Variants in MBOAT2 observed in about 807,000 individuals in gnomAD.
MBOAT2 encodes membrane-bound glycerophospholipid O-acyltransferase 2.
Under a neutral mutation model 63.4 loss-of-function variants are expected in MBOAT2, and 28 were observed. That is an observed-to-expected ratio of 0.44 (90% CI 0.33 to 0.61). The LOEUF is 0.61. Among genes scored for constraint, MBOAT2 ranks in the 20% least tolerant of loss-of-function variants. MBOAT2 has a pLI of 0.03. For synonymous variants in MBOAT2, 211 were observed against 215.6 expected, an observed-to-expected ratio of 0.98 and a Z score of 0.19; for missense variants, 470 against 605.8, an observed-to-expected ratio of 0.78 and a Z score of 2.35.
intron 3 of MBOAT2, among the ~76,000 whole-genome samples, chr2:8,927,815 T>G (rs1667038859): frequency 1.3e-5 from 2 of 152,146 alleles, no homozygotes; most frequent in Admixed American, 1.3e-4. Flanking sequence ...GGTGGTCCTG[T>G]GGGAGTGAGA....
intron 4 of MBOAT2, among the ~76,000 whole-genome samples, chr2:8,891,302 G>A (rs1663978350): frequency 6.6e-6 from 1 of 152,252 alleles, no homozygotes; most frequent in South Asian, 2.1e-4. Context: ...TATAGGAAAA[G>A]TTCAGTAAGG....
chr2:8,874,945 AAC>A (rs1312555369), intron 7 of MBOAT2, among the ~76,000 whole-genome samples: 1 of 152,206 alleles, frequency 6.6e-6, no homozygotes, highest in Non-Finnish European at 1.5e-5. Context: ...TTGGATCTCT[AAC>A]ACTTTGGGGC....
chr2:8,990,106 G>A (rs994917671), intron 1 of MBOAT2, among the ~76,000 whole-genome samples: 7 of 152,062 alleles, frequency 4.6e-5, no homozygotes, highest in African/African-American at 1.7e-4. Flanking sequence ...CTGCCAACTC[G>A]ACCCTCTGCT....
chr2:8,951,619 G>C (rs1668841944), intron 2 of MBOAT2, among the ~76,000 whole-genome samples: 3 of 152,154 alleles, frequency 2.0e-5, no homozygotes, highest in Admixed American at 2.0e-4. Flanking sequence ...CTCAATATTG[G>C]TCTGTTTGGT....
chr2:8,986,672 C>A (rs950148924), intron 1 of MBOAT2, among the ~76,000 whole-genome samples: 2 of 152,152 alleles, frequency 1.3e-5, no homozygotes, highest in African/African-American at 4.8e-5. Context: ...GAAGCCCTTA[C>A]CCCAATGTGA....
Position 9,003,477 on chromosome 2 carries a change from T to A in MBOAT2, c.75+63A>T. ...CCCTCCTCCCGGGCCCCCGGTCGGG[T>A]GGCACCGCGGCGGGGAGGGGCGGCG... On this transcript the variant is annotated intron_variant, in intron 1 of 12. Transcript: ENST00000305997. This position sits in a 1 kb window ranked among gnomAD's most constrained non-coding sequence, Gnocchi z 5.4. 1 of 1,083,604 alleles carries A rather than the reference T, an allele frequency of 9.2e-7. No homozygotes were observed. The highest frequency in any genetic ancestry group is 1.1e-6 in the Non-Finnish European group (1 of 875,088). 67.1% of individuals were successfully genotyped at this position (1,083,604 alleles called of 1,614,324 possible).
intron 4 of MBOAT2, among the ~76,000 whole-genome samples, chr2:8,888,598 AT>A (rs768484415): frequency 6.6e-6 from 1 of 152,240 alleles, no homozygotes; most frequent in Admixed American, 6.5e-5. Context: ...TAAGAAAAAA[AT>A]GGCATTATTT....
intron 1 of MBOAT2, among the ~76,000 whole-genome samples, chr2:8,968,926 G>A (rs193240446): frequency 6.6e-6 from 1 of 152,294 alleles, no homozygotes; most frequent in Admixed American, 6.5e-5. Flanking sequence ...AAGTGACGGG[G>A]AGAATGGAAC....
chr2:8,911,697 C>T (rs982146684), intron 3 of MBOAT2, among the ~76,000 whole-genome samples: 1 of 152,156 alleles, frequency 6.6e-6, no homozygotes, highest in Non-Finnish European at 1.5e-5. Context: ...CTTTCCTCCT[C>T]TCTGGCCACG....
intron 4 of MBOAT2, among the ~76,000 whole-genome samples, chr2:8,905,244 C>T (rs1470039554): frequency 1.3e-5 from 2 of 152,086 alleles, no homozygotes; most frequent in Non-Finnish European, 2.9e-5. Context: ...ATCTTTTCTG[C>T]TCATGTATTA....
At chr2:8,941,714 T>A (rs1365046545) in intron 3 of MBOAT2, among the ~76,000 whole-genome samples, 2 of 152,084 alleles carry the variant, frequency 1.3e-5, no homozygotes, top group Non-Finnish European at 2.9e-5. Context: ...AAGTTTTAAT[T>A]AATTTAAACT....
intron 1 of MBOAT2, among the ~76,000 whole-genome samples, chr2:8,973,311 C>A (rs13001723): frequency 1.5e-5 from 2 of 137,310 alleles, no homozygotes; most frequent in Non-Finnish European, 3.0e-5. Context: ...TTGGTGGGAA[C>A]TGAACAATGA....
rs1344056102 is a variant in MBOAT2 at position 8,857,120 on chromosome 2, A to T, written c.*1559T>A. 1 of 152,610 alleles carries T rather than the reference A, an allele frequency of 6.6e-6. No individual in the cohort carries two copies. The highest frequency in any genetic ancestry group is 1.9e-4 in the East Asian group (1 of 5,202). The allele number at this position is 152,610 out of a possible 1,614,324, so 9.5% of individuals were successfully genotyped here. ...TGCCTTGTCTTTAACTTCATTTGCA[A>T]ATTTATTAGTGACTCCACCCCCCGA... is the stretch of plus-strand genomic sequence containing the variant. On this transcript the variant is annotated 3_prime_UTR_variant, in exon 13 of 13. Transcript: ENST00000305997.
intron 1 of MBOAT2, among the ~76,000 whole-genome samples, chr2:8,995,814 A>G (rs990462960): frequency 4.6e-4 from 70 of 152,186 alleles, no homozygotes; most frequent in Non-Finnish European, 9.6e-4. Context: ...AATGGTCTCG[A>G]TCTCCTGACC....
Position 8,860,750 on chromosome 2 carries a change from A to G in MBOAT2, c.1200T>C (p.Phe400=), listed in dbSNP as rs1212567261. 10 of 1,578,202 alleles carry G rather than the reference A, an allele frequency of 6.3e-6. No homozygotes were observed. The highest frequency in any genetic ancestry group is 1.1e-5 in the South Asian group (1 of 87,184). ...TLAARAMRNN[F]RHYFIEPSQL... ...GGGAAGGTTCAATGAAATAATGTCT[A>G]AAGTTATTTCTCATCTGAAATAAAG... The change falls in exon 12 of 13, where the codon TTT becomes TTC. Residue 400 remains phenylalanine (F), a synonymous_variant. Transcript: ENST00000305997.
chr2:8,889,239 T>C (rs1177692220), intron 4 of MBOAT2, among the ~76,000 whole-genome samples: 2 of 152,236 alleles, frequency 1.3e-5, no homozygotes, highest in African/African-American at 4.8e-5. Flanking sequence ...CTCGAACTGC[T>C]GCCTCTCGCA....
intron 5 of MBOAT2, among the ~76,000 whole-genome samples, chr2:8,883,037 C>T (rs769118624): frequency 9.9e-5 from 15 of 152,044 alleles, no homozygotes; most frequent in Non-Finnish European, 1.5e-4. Context: ...CATCTATTTA[C>T]GTTTCTCTTC....
intron 1 of MBOAT2, among the ~76,000 whole-genome samples, chr2:8,989,964 AC>A (rs1444795093): frequency 6.6e-6 from 1 of 152,198 alleles, no homozygotes; most frequent in African/African-American, 2.4e-5. Context: ...ATAAACTCAC[AC>A]AGCTTGTAAG....
intron 3 of MBOAT2, among the ~76,000 whole-genome samples, chr2:8,928,806 C>T (rs975642834): frequency 2.7e-4 from 41 of 151,950 alleles, no homozygotes; most frequent in African/African-American, 8.7e-4. Flanking sequence ...CTGGAAAGAC[C>T]CCGTATGCTC....
Sources: gnomAD v4.1 joint callset for allele counts (sites outside exome capture counted in the v4.1 genomes callset) on GRCh38, gnomAD v4.1.1 for gene constraint, Gnocchi (gnomAD v3.1) non-coding constraint, MANE v1.5 for transcripts, NCBI Gene and HGNC (gene_info 2026-07-23, HGNC 2026-07-21) for gene names.